The following PTCHD1 variants were observed in gnomAD, a reference collection of about 807,000 sequenced individuals.
PTCHD1 encodes the protein patched domain containing 1.
Under a neutral mutation model 34.6 loss-of-function variants are expected in PTCHD1, and 3 were observed. The observed-to-expected ratio is 0.09, with a 90% CI of 0.04 to 0.22. The LOEUF (loss-of-function observed/expected upper bound fraction) is 0.22. PTCHD1 is among the 10% of genes least tolerant of loss of function. The pLI is 1.00. For synonymous variants in PTCHD1, 305 were observed against 283.1 expected (o/e 1.08, Z -0.77); for missense variants, 504 against 685.5 (o/e 0.74, Z 2.96).
At chrX:23,366,948 A>ACACACC (rs1279069190) in intron 1 of PTCHD1, among the ~76,000 whole-genome samples, 1 of 109,041 alleles carries the variant, frequency 9.2e-6, no homozygotes, top group African/African-American at 3.4e-5. Flanking sequence ...ACACACACAC[A>ACACACC]CACACCCCTG....
At chrX:23,372,400 A>G (rs776168938) in intron 1 of PTCHD1, among the ~76,000 whole-genome samples, 1 of 110,979 alleles carries the variant, frequency 9.0e-6, no homozygotes, top group Non-Finnish European at 1.9e-5. Flanking sequence ...GCCAAAGTCA[A>G]TGCTCTGAGC....
intron 1 of PTCHD1, among the ~76,000 whole-genome samples, chrX:23,374,280 C>CAAAAAAA (rs752214252): frequency 1.6e-4 from 4 of 24,541 alleles, no homozygotes; most frequent in Admixed American, 9.6e-4. Context: ...GAAACAAATA[C>CAAAAAAA]AAAAAAAAAA....
At chrX:23,335,508 C>T (rs1309553331) in intron 1 of PTCHD1, among the ~76,000 whole-genome samples, 2 of 113,186 alleles carry the variant, frequency 1.8e-5, no homozygotes, top group Non-Finnish European at 3.7e-5. Context: ...GTGGTCGGTG[C>T]GCTTGTTTTG....
intron 1 of PTCHD1, among the ~76,000 whole-genome samples, chrX:23,339,818 A>C (rs755634651): frequency 7.8e-4 from 88 of 113,017 alleles, no homozygotes; most frequent in Non-Finnish European, 1.4e-3. Context: ...AGAAAGCTAT[A>C]TAGCAGAAAT....
At chrX:23,348,269 G>GAAAA (rs150677783) in intron 1 of PTCHD1, among the ~76,000 whole-genome samples, 1 of 83,276 alleles carries the variant, frequency 1.2e-5, no homozygotes, top group Non-Finnish European at 2.4e-5. Flanking sequence ...AGTTAAAAGA[G>GAAAA]AAAAAAAAAA....
chrX:23,356,765 T>G (rs7052177), intron 1 of PTCHD1, among the ~76,000 whole-genome samples: 24,133 of 111,325 alleles, frequency 0.22, 3,250 homozygotes, highest in African/African-American at 0.5. Flanking sequence ...AAATATGGGA[T>G]TTCCAGGCAT....
intron 2 of PTCHD1, among the ~76,000 whole-genome samples, chrX:23,392,070 C>CTTTTTTTTTT (rs1464413678): frequency 1.3e-4 from 5 of 39,476 alleles, no homozygotes; most frequent in African/African-American, 1.1e-3. Context: ...TTCTTTCTTT[C>CTTTTTTTTTT]TTTCTTTTTT....
chrX:23,336,115 T>C (rs764983392), intron 1 of PTCHD1, among the ~76,000 whole-genome samples: 1 of 110,792 alleles, frequency 9.0e-6, no homozygotes, highest in Non-Finnish European at 1.9e-5. Flanking sequence ...GGTTGTGCCA[T>C]CAGCTTGAGG....
In PTCHD1 at chrX:23,335,236, G is replaced by T; in HGVS notation, c.351+10G>T. Reference sequence around the variant, plus strand: ...CGACCTGATCTTAAAGGTGAGAGGGGACGGGTGCGGGCAGACTCCGCCAGC... The same window carrying T: ...CGACCTGATCTTAAAGGTGAGAGGGTACGGGTGCGGGCAGACTCCGCCAGC... On this transcript the variant is annotated intron_variant, in intron 1 of 2. Coordinates refer to ENST00000379361, the MANE Select transcript of PTCHD1 (RefSeq NM_173495.3). 1 of 1,188,086 alleles carries T rather than the reference G, an allele frequency of 8.4e-7. No individual in the cohort carries two copies. The highest frequency in any genetic ancestry group is 1.1e-6 in the Non-Finnish European group (1 of 874,237).
intron 2 of PTCHD1, among the ~76,000 whole-genome samples, chrX:23,385,324 A>G (rs1398941856): frequency 8.1e-5 from 9 of 111,670 alleles, no homozygotes; most frequent in South Asian, 3.8e-4. Flanking sequence ...ATTTTTAACC[A>G]TAAAGTAAGA....
At chrX:23,343,981 T>C (rs1921410747) in intron 1 of PTCHD1, among the ~76,000 whole-genome samples, 1 of 112,583 alleles carries the variant, frequency 8.9e-6, no homozygotes. Flanking sequence ...TGAGTAAAGA[T>C]TGTTTGATTG....
intron 1 of PTCHD1, chrX:23,351,077 T>C (rs1332374783): frequency 6.6e-6 from 3 of 457,032 alleles, no homozygotes; most frequent in Non-Finnish European, 1.1e-5. Flanking sequence ...CTATGATTTG[T>C]CATGAATGGG....
intron 2 of PTCHD1, among the ~76,000 whole-genome samples, chrX:23,385,967 C>G (rs1922677831): frequency 9.1e-6 from 1 of 110,193 alleles, no homozygotes; most frequent in African/African-American, 3.3e-5. Flanking sequence ...GTGTTTATAA[C>G]ATATATTATG....
chrX:23,358,374 C>T (rs1460569066), intron 1 of PTCHD1, among the ~76,000 whole-genome samples: 1 of 112,149 alleles, frequency 8.9e-6, no homozygotes, highest in African/African-American at 3.2e-5. Flanking sequence ...GATGGTATCT[C>T]ATTGTGGTTT....
Position 23,354,827 on chromosome X carries a change from T to C in PTCHD1, c.351+19601T>C, listed in dbSNP as rs1303189661. 2.7e-5 allele frequency among the ~76,000 whole-genome samples: 3 copies of C among 109,484 alleles called. No homozygotes were observed. The East Asian group carries it at 8.6e-4, about 31-fold the overall frequency. On this transcript the variant is annotated intron_variant, in intron 1 of 2. Coordinates refer to ENST00000379361, the MANE Select transcript of PTCHD1 (RefSeq NM_173495.3). Reference sequence around the variant, plus strand: ...ACCTCGTGATCACCCCGCCTCGGCCTCCCAAAGTGCTGGGATTATAGGGGT... The same window carrying C: ...ACCTCGTGATCACCCCGCCTCGGCCCCCCAAAGTGCTGGGATTATAGGGGT...
chrX:23,378,781 G>A (rs1922477991), intron 1 of PTCHD1, among the ~76,000 whole-genome samples: 2 of 112,313 alleles, frequency 1.8e-5, no homozygotes, highest in African/African-American at 6.5e-5. Context: ...CATGTAGTAG[G>A]GGCAGTTAAA....
At chrX:23,352,745 T>G (rs1921673687) in intron 1 of PTCHD1, among the ~76,000 whole-genome samples, 1 of 111,956 alleles carries the variant, frequency 8.9e-6, no homozygotes, top group Admixed American at 9.4e-5. Context: ...GATTCTCATT[T>G]CAATGGTCTA....
rs376518017 is a variant in PTCHD1, at chrX:23,401,504, C to T, written c.*7319C>T. On this transcript the variant is annotated 3_prime_UTR_variant, in exon 3 of 3. Coordinates refer to ENST00000379361, the MANE Select transcript of PTCHD1 (RefSeq NM_173495.3). ...TGACCCGTTGGCTCTGCTTCACACA[C>T]ACACATACACATTGACACACATAAA... The T allele has an allele frequency of 8.9e-6, 1 of 112,715 alleles. No individual in the cohort carries two copies. The highest frequency in any genetic ancestry group is 2.8e-4 in the East Asian group (1 of 3,613). The allele number at this position is 112,715 out of a possible 1,213,427, so 9.3% of individuals were successfully genotyped here.
chrX:23,394,450 A>ACACACACACACACACC lies in PTCHD1; in HGVS notation c.*266_*267insACACACACACACACCC, dbSNP rs1254605131. 14 of 291,845 alleles carry ACACACACACACACACC rather than the reference A, an allele frequency of 4.8e-5. No individual in the cohort carries two copies. In the East Asian group the frequency reaches 4.8e-4, roughly 10 times the overall value. 24.1% of individuals were successfully genotyped at this position (291,845 alleles called of 1,213,427 possible). A position where few individuals can be genotyped will look rare whatever the true frequency, so the allele number is the denominator to read the frequency against. ...CACACACACACACACACACACACAC[A>ACACACACACACACACC]CCCTGGGAGACCTATAGTCTCTTAA... On this transcript the variant is annotated 3_prime_UTR_variant, in exon 3 of 3. Coordinates refer to ENST00000379361, the MANE Select transcript of PTCHD1 (RefSeq NM_173495.3).
Sources: gnomAD v4.1 joint callset for allele counts (sites outside exome capture counted in the v4.1 genomes callset) on GRCh38, gnomAD v4.1.1 for gene constraint, MANE v1.5 for transcripts, NCBI Gene and HGNC (gene_info 2026-07-23, HGNC 2026-07-21) for gene names.